STIL: variants seen among roughly 807,000 people sequenced by gnomAD.
STIL encodes the protein SCL-interrupting locus protein.
Under a neutral mutation model 110.1 loss-of-function variants are expected in STIL, and 55 were observed. The observed-to-expected ratio is 0.50, with a 90% confidence interval of 0.40 to 0.63. The LOEUF is 0.63. Ranked by LOEUF, STIL falls within the 20% of genes least tolerant of loss-of-function variation. STIL has a pLI of 0.00. For missense variants in STIL, 1,358 were observed against 1,530.0 expected (o/e 0.89, Z 1.87); for synonymous variants, 481 against 530.0 (o/e 0.91, Z 1.27).
At chr1:47,255,204 C>G (rs867052130) in intron 16 of STIL, among the ~76,000 whole-genome samples, 4 of 152,110 alleles carry the variant, frequency 2.6e-5, no homozygotes, top group Non-Finnish European at 5.9e-5. Flanking sequence ...AAAAGGAACC[C>G]ATTCCACTAA....
In STIL at chr1:47,281,011, G is replaced by T. The variant is rs780224946; in HGVS notation, c.1447C>A (p.Pro483Thr). 3.7e-6 allele frequency: 6 copies of T among 1,614,098 alleles called. No individual in the cohort carries two copies. The highest frequency in any genetic ancestry group is 5.1e-6 in the Non-Finnish European group (6 of 1,180,000). Residue 483 changes from proline (P) to threonine (T), a missense_variant, in exon 12 of 17, where the codon CCT becomes ACT. Physicochemically the swap from Pro to Thr is conservative, Grantham distance 38. Transcript: ENST00000371877. The stretch of plus-strand genomic sequence containing the variant: ...TGATTTGGTATTCCTCTCAAGGAAG[G>T]CTCTCCAGCTTCAACTTCTGGACTG... ...KHSPEVEAGE[P>T]SLRGIPNQLN...
intron 14 of STIL, among the ~76,000 whole-genome samples, chr1:47,266,402 A>C (rs1302169465): frequency 6.6e-6 from 1 of 152,170 alleles, no homozygotes; most frequent in African/African-American, 2.4e-5. Flanking sequence ...CTGTTATTGA[A>C]GCCAGAGTAC....
At position 47,310,343 on chromosome 1, in the gene STIL, A is replaced by G; in HGVS notation, c.-24T>C. 1 of 1,609,802 alleles carries G rather than the reference A, an allele frequency of 6.2e-7. No individual in the cohort carries two copies. Among genetic ancestry groups the G allele is most frequent in the Non-Finnish European group, 8.5e-7 (1 of 1,176,880 alleles). On this transcript the variant is annotated 5_prime_UTR_variant, in exon 2 of 17. Transcript: ENST00000371877. The stretch of plus-strand genomic sequence containing the variant: ...ATGATGTCTGGTGAATGATTTCTTT[A>G]ATTCCAAATCCTCAGTATCCTAAAG...
Position 47,289,599 on chromosome 1 carries a change from G to A in STIL, c.873-14C>T, listed in dbSNP as rs754708298. 6.2e-7 allele frequency: 1 copy of A among 1,607,044 alleles called. No homozygotes were observed. ...TCTGAAAAAACCCTGCACAAAAAAA[G>A]TCATTTAATTAAAATTTAATGAGGA... On this transcript the variant is annotated splice_polypyrimidine_tract_variant and intron_variant, in intron 8 of 16. Transcript: ENST00000371877.
chr1:47,299,144 T>TG (rs1376865335), intron 6 of STIL, among the ~76,000 whole-genome samples: 1 of 151,554 alleles, frequency 6.6e-6, no homozygotes, highest in African/African-American at 2.4e-5. Flanking sequence ...AGTCTGGAGT[T>TG]GAAGTCCAGC....
intron 14 of STIL, among the ~76,000 whole-genome samples, chr1:47,263,828 CTG>C (rs1162972647): frequency 2.1e-5 from 3 of 142,308 alleles, no homozygotes; most frequent in Non-Finnish European, 3.0e-5. Flanking sequence ...TCTCGGCTGA[CTG>C]TAACCTCTGC....
At position 47,251,109 on chromosome 1, in the gene STIL, G is replaced by A; in HGVS notation, c.*27C>T. 2 of 1,604,482 alleles carry A rather than the reference G, an allele frequency of 1.2e-6. No individual in the cohort carries two copies. The highest frequency in any genetic ancestry group is 1.7e-6 in the Non-Finnish European group (2 of 1,173,556). ...TATCTTCAGGAGACACCCTGTCCCT[G>A]TATTAAAAGGGCAGGGAGTTAAAAG... On this transcript the variant is annotated 3_prime_UTR_variant, in exon 17 of 17. Coordinates refer to ENST00000371877, the MANE Select transcript of STIL (RefSeq NM_001048166.1).
At chr1:47,259,109 C>T (rs1644406751) in intron 16 of STIL, among the ~76,000 whole-genome samples, 1 of 145,804 alleles carries the variant, frequency 6.9e-6, no homozygotes, top group African/African-American at 2.5e-5. Context: ...GCCTCAGCCT[C>T]CTGAGTAGCT....
chr1:47,269,088 CAAAAA>C (rs60406768), intron 14 of STIL, among the ~76,000 whole-genome samples: 2 of 108,356 alleles, frequency 1.8e-5, no homozygotes, highest in African/African-American at 3.3e-5. Flanking sequence ...GGGACTCCGT[CAAAAA>C]AAAAAAAAAA....
At chr1:47,299,000 C>T (rs924508573) in intron 6 of STIL, among the ~76,000 whole-genome samples, 15 of 150,716 alleles carry the variant, frequency 1.0e-4, no homozygotes, top group East Asian at 7.9e-4. Flanking sequence ...CCACCCGCCT[C>T]GGCCTCCAAT....
intron 3 of STIL, among the ~76,000 whole-genome samples, chr1:47,303,778 T>G (rs913511048): frequency 3.3e-5 from 5 of 152,202 alleles, no homozygotes; most frequent in Non-Finnish European, 7.3e-5. Context: ...TGCCAACTAG[T>G]GTTGAACCCG....
intron 16 of STIL, 130 bp from the exon 17 acceptor site, chr1:47,252,052 T>G (rs922237320): frequency 2.2e-6 from 2 of 927,472 alleles, no homozygotes; most frequent in Non-Finnish European, 3.2e-6. Flanking sequence ...ATCTAACTAC[T>G]CAGACATCTA....
intron 8 of STIL, among the ~76,000 whole-genome samples, chr1:47,291,393 A>C (rs764225163): frequency 2.6e-5 from 4 of 151,668 alleles, no homozygotes; most frequent in Non-Finnish European, 5.9e-5. Flanking sequence ...TAAATAAATA[A>C]AAATTTAAAA....
chr1:47,302,002 G>T (rs925158162), intron 4 of STIL, among the ~76,000 whole-genome samples: 4 of 152,052 alleles, frequency 2.6e-5, no homozygotes, highest in Non-Finnish European at 5.9e-5. Context: ...TCATATCCTT[G>T]GTACACAGCA....
At chr1:47,287,304 A>C (rs1053600712) in intron 10 of STIL, among the ~76,000 whole-genome samples, 1 of 152,182 alleles carries the variant, frequency 6.6e-6, no homozygotes, top group Non-Finnish European at 1.5e-5. Flanking sequence ...TTTTTGACAA[A>C]TACTTTTGTA....
At chr1:47,301,296 T>G (rs1645796915) in intron 5 of STIL, among the ~76,000 whole-genome samples, 1 of 152,076 alleles carries the variant, frequency 6.6e-6, no homozygotes, top group Non-Finnish European at 1.5e-5. Context: ...GCCCACAAAT[T>G]CAGCAAAAAT....
chr1:47,296,238 A>G (rs1645638767), intron 6 of STIL, among the ~76,000 whole-genome samples: 1 of 152,168 alleles, frequency 6.6e-6, no homozygotes. Flanking sequence ...TCATGCATCC[A>G]AGTGATTTGA....
intron 16 of STIL, among the ~76,000 whole-genome samples, chr1:47,259,226 T>C (rs1644410919): frequency 6.7e-6 from 1 of 149,936 alleles, no homozygotes; most frequent in Admixed American, 6.7e-5. Context: ...GACCTCGTGA[T>C]CCGCCCACCT....
upstream of STIL, among the ~76,000 whole-genome samples, chr1:47,314,828 G>A (rs1237717605): frequency 6.6e-6 from 1 of 151,078 alleles, no homozygotes; most frequent in East Asian, 1.9e-4. Context: ...GAGTTCAAGC[G>A]ATTCTCCTGT....
Sources: allele counts gnomAD v4.1 joint callset (sites outside exome capture counted in the v4.1 genomes callset), GRCh38; gene constraint gnomAD v4.1.1; transcripts MANE v1.5; gene names NCBI Gene and HGNC (gene_info 2026-07-23, HGNC 2026-07-21).